Variants in PAK6 observed in about 807,000 individuals in gnomAD.
PAK6 encodes serine/threonine-protein kinase PAK 6.
Under a neutral mutation model 60.8 loss-of-function variants are expected in PAK6, and 33 were observed. The ratio of observed to expected loss-of-function variants is 0.54; its 90% CI spans 0.41 to 0.73. The LOEUF is 0.73. Ranked by LOEUF, PAK6 falls within the 30% of genes least tolerant of loss-of-function variation. PAK6 has a pLI of 0.00. For synonymous variants in PAK6, 404 were observed against 378.5 expected, an observed-to-expected ratio of 1.07 and a Z score of -0.78; for missense variants, 845 against 904.1, an observed-to-expected ratio of 0.93 and a Z score of 0.84.
Position 40,275,863 on chromosome 15 carries a change from G to C in PAK6, c.1879-64G>C, listed in dbSNP as rs1214954291. On this transcript the variant is annotated intron_variant, in intron 10 of 10. Transcript: ENST00000560346. ...TGACTTTCAAACAATGATAAGTCCA[G>C]GCAATCAGGTCACCCCGAAGTGACT... 5 of 1,463,152 alleles carry C rather than the reference G, an allele frequency of 3.4e-6. No homozygotes were observed. The African/African-American group carries it at 7.1e-5, about 21-fold the overall frequency. The allele number at this position is 1,463,152 out of a possible 1,614,324, so 90.6% of individuals were successfully genotyped here.
chr15:40,268,014 G>T (rs1370989860), intron 5 of PAK6, among the ~76,000 whole-genome samples: 1 of 152,166 alleles, frequency 6.6e-6, no homozygotes, highest in Non-Finnish European at 1.5e-5. Context: ...CCCACAGCAG[G>T]GGGAGAGGCC....
chr15:40,273,816 C>T (rs909526557), intron 9 of PAK6, 140 bp downstream of exon 9: 8 of 1,013,486 alleles, frequency 7.9e-6, no homozygotes, highest in African/African-American at 4.9e-5. Context: ...TTCCCCCTTT[C>T]GATGGGGCTG....
intron 5 of PAK6, among the ~76,000 whole-genome samples, chr15:40,269,843 G>A (rs1358720268): frequency 6.6e-6 from 1 of 152,216 alleles, no homozygotes; most frequent in Non-Finnish European, 1.5e-5. Context: ...CAGGGACCTG[G>A]CCTGTGGAGA....
At chr15:40,277,460 T>C (rs1341015997) in exon 11 of PAK6, 5 of 152,508 alleles carry the variant, frequency 3.3e-5, no homozygotes. Flanking sequence ...TTGTGCCTGT[T>C]TTAAATTAAA....
At chr15:40,264,583 CGTTT>C (rs1006015518) in intron 3 of PAK6, 194 bp from the exon 4 acceptor site, 193 of 631,856 alleles carry the variant, frequency 3.1e-4, no homozygotes, top group Middle Eastern at 1.2e-3. Flanking sequence ...ATTTATGGCA[CGTTT>C]GTTGTTTCTG....
chr15:40,249,606 C>T (rs1333959525), intron 2 of PAK6, among the ~76,000 whole-genome samples: 3 of 152,178 alleles, frequency 2.0e-5, no homozygotes, highest in African/African-American at 4.8e-5. Flanking sequence ...GCTTGTTAGT[C>T]GCCTTCCTCA....
At chr15:40,260,564 A>G (rs1279496488) in intron 3 of PAK6, among the ~76,000 whole-genome samples, 1 of 152,178 alleles carries the variant, frequency 6.6e-6, no homozygotes, top group African/African-American at 2.4e-5. Context: ...ATAAATCTTA[A>G]TATCTATTTA....
chr15:40,255,462 C>T (rs1228102367), intron 3 of PAK6, among the ~76,000 whole-genome samples: 1 of 152,208 alleles, frequency 6.6e-6, no homozygotes, highest in Non-Finnish European at 1.5e-5. Flanking sequence ...CCTCCCAGGG[C>T]CTCTCCGCAC....
In PAK6 at chr15:40,272,964, G is replaced by T. The variant is rs765858941; in HGVS notation, c.1455G>T (p.Gln485His). The T allele has an allele frequency of 3.4e-5, 55 of 1,613,864 alleles. No homozygotes were observed. The Middle Eastern group carries it at 1.3e-3, about 39-fold the overall frequency. The change falls in exon 7 of 11, where the codon CAG (glutamine) becomes CAT (histidine). Residue 485 changes from glutamine (Q) to histidine (H), a missense_variant. Coordinates refer to ENST00000560346, the Ensembl canonical transcript of PAK6. Reference sequence around the variant, plus strand: ...TGTGGGTGCTCATGGAGTTCCTGCAGGGAGGAGCCCTCACAGACATCGTCT... The same window carrying T: ...TGTGGGTGCTCATGGAGTTCCTGCATGGAGGAGCCCTCACAGACATCGTCT...
At chr15:40,249,312 T>C (rs1051963636) in intron 2 of PAK6, among the ~76,000 whole-genome samples, 3 of 150,446 alleles carry the variant, frequency 2.0e-5, no homozygotes, top group Non-Finnish European at 4.4e-5. Context: ...AACAGATGAA[T>C]CTTGGGGGGA....
intron 3 of PAK6, among the ~76,000 whole-genome samples, chr15:40,261,971 G>A (rs2038996172): frequency 6.6e-6 from 1 of 150,936 alleles, no homozygotes; most frequent in Non-Finnish European, 1.5e-5. Flanking sequence ...ATTTGCTAAA[G>A]ATGCTCTCCC....
intron 2 of PAK6, chr15:40,252,174 G>T: frequency 1.2e-6 from 1 of 853,738 alleles, no homozygotes; most frequent in Non-Finnish European, 1.6e-6. Flanking sequence ...GGGCTCTCCA[G>T]GATGTGTGGG....
intron 9 of PAK6, 110 bp from the exon 10 acceptor site, chr15:40,274,032 C>A: frequency 7.6e-7 from 1 of 1,321,856 alleles, no homozygotes; most frequent in Non-Finnish European, 1.1e-6. Flanking sequence ...GACAGACCCA[C>A]CAAGGAGAGC....
chr15:40,245,435 C>T (rs1344622090), intron 2 of PAK6: 3 of 152,266 alleles, frequency 2.0e-5, no homozygotes, highest in African/African-American at 4.8e-5. Context: ...GCTCAGCTTC[C>T]TGGCCTGGAG....
chr15:40,240,647 A>T (rs1238298535), exon 2 of PAK6: 1 of 445,172 alleles, frequency 2.2e-6, no homozygotes, highest in South Asian at 1.6e-5. Context: ...GCAGTGGAGA[A>T]CGCAGGACCC....
chr15:40,264,633 G>C, intron 3 of PAK6, 148 bp from the exon 4 acceptor site: 1 of 681,058 alleles, frequency 1.5e-6, no homozygotes, highest in Non-Finnish European at 2.6e-6. Flanking sequence ...TTTCCCTGAG[G>C]AAGCAGAGAT....
Position 40,240,705 on chromosome 15 carries a change from T to C in PAK6, c.-118+24T>C, listed in dbSNP as rs890632954. The C allele has an allele frequency of 6.2e-5, 27 of 438,446 alleles. No individual in the cohort carries two copies. In the Middle Eastern group the frequency reaches 3.7e-3, roughly 59 times the overall value. The allele number at this position is 438,446 out of a possible 1,614,324, so 27.2% of individuals were successfully genotyped here. On this transcript the variant is annotated intron_variant, in intron 2 of 10. Transcript: ENST00000560346. Reference sequence around the variant, plus strand: ...CGGTAAGGTCCCCACTGCCGCTGCGTGCTCCGGATTCCTGGGCTAGGGACG... The same window carrying C: ...CGGTAAGGTCCCCACTGCCGCTGCGCGCTCCGGATTCCTGGGCTAGGGACG...
intron 7 of PAK6, 114 bp from the exon 8 acceptor site, chr15:40,273,232 G>C: frequency 7.5e-7 from 1 of 1,329,314 alleles, no homozygotes; most frequent in Non-Finnish European, 1.0e-6. Flanking sequence ...CTGCCAAACA[G>C]ATTGCCTGGG....
intron 2 of PAK6, among the ~76,000 whole-genome samples, chr15:40,243,004 G>T (rs967170531): frequency 6.6e-6 from 1 of 152,170 alleles, no homozygotes; most frequent in African/African-American, 2.4e-5. Flanking sequence ...TGAGCGTGGG[G>T]CCAACCGCGC....
Sources: gnomAD v4.1 joint callset for allele counts (sites outside exome capture counted in the v4.1 genomes callset) on GRCh38, gnomAD v4.1.1 for gene constraint, MANE v1.5 for transcripts, NCBI Gene and HGNC (gene_info 2026-07-23, HGNC 2026-07-21) for gene names.